SCNN1G: variants seen among roughly 807,000 people sequenced by gnomAD.
SCNN1G encodes the protein epithelial sodium channel subunit gamma.
A neutral mutation model predicts 64.6 loss-of-function variants in SCNN1G; 27 were observed. The ratio of observed to expected loss-of-function variants is 0.42; its 90% confidence interval spans 0.31 to 0.58. SCNN1G has a LOEUF of 0.58. SCNN1G is among the 20% of genes least tolerant of loss of function. The probability of loss-of-function intolerance (pLI) is 0.18; values close to 1 mark genes in which losing one functional copy is unlikely to be tolerated. For synonymous variants in SCNN1G, 330 were observed against 314.2 expected, an observed-to-expected ratio of 1.05 and a Z score of -0.53; for missense variants, 743 against 823.4, an observed-to-expected ratio of 0.90 and a Z score of 1.19.
At chr16:23,208,915 C>G (rs1960036112) in intron 6 of SCNN1G, among the ~76,000 whole-genome samples, 1 of 152,002 alleles carries the variant, frequency 6.6e-6, no homozygotes, top group Non-Finnish European at 1.5e-5. Context: ...GCTCATCTTT[C>G]TAATCCCTCC....
intron 8 of SCNN1G, 147 bp from the exon 9 acceptor site, chr16:23,212,531 A>G (rs530306877): frequency 5.4e-6 from 4 of 742,844 alleles, no homozygotes; most frequent in Admixed American, 2.0e-5. Flanking sequence ...CAACATCACA[A>G]TGCAATATGT....
At chr16:23,193,689 A>C (rs939495639) in intron 4 of SCNN1G, among the ~76,000 whole-genome samples, 4 of 152,104 alleles carry the variant, frequency 2.6e-5, no homozygotes, top group Non-Finnish European at 5.9e-5. Context: ...ATAAAACACT[A>C]AGCCTCTTTC....
In SCNN1G at chr16:23,215,547, T is replaced by G. The variant is rs1960148058; in HGVS notation, c.*78T>G. 4.5e-6 allele frequency: 7 copies of G among 1,545,528 alleles called. 1 individual carries two copies. Among genetic ancestry groups the G allele is most frequent in the Non-Finnish European group, 5.3e-6 (6 of 1,131,290 alleles). On this transcript the variant is annotated 3_prime_UTR_variant, in exon 13 of 13. Coordinates refer to ENST00000300061, the MANE Select transcript of SCNN1G (RefSeq NM_001039.4). ...CATGGATCGGGTGCCCCCAGACGTG[T>G]GCACAGGGGACCCTCTGCCCCACTC... is the stretch of plus-strand genomic sequence containing the variant.
chr16:23,201,721 A>G (rs1320517638), intron 6 of SCNN1G, among the ~76,000 whole-genome samples: 1 of 152,168 alleles, frequency 6.6e-6, no homozygotes, highest in Non-Finnish European at 1.5e-5. Flanking sequence ...ATTCACTGAG[A>G]GATTGTGTGT....
intron 6 of SCNN1G, among the ~76,000 whole-genome samples, chr16:23,199,811 A>G (rs1959858949): frequency 6.6e-6 from 1 of 151,150 alleles, no homozygotes; most frequent in Admixed American, 6.6e-5. Flanking sequence ...AGCTGGGACT[A>G]CAGTCACCCG....
chr16:23,184,748 GA>G (rs35147789), intron 1 of SCNN1G, among the ~76,000 whole-genome samples: 1 of 151,710 alleles, frequency 6.6e-6, no homozygotes, highest in Non-Finnish European at 1.5e-5. Context: ...TTCAGGGTGG[GA>G]AAAAAAGACA....
intron 5 of SCNN1G, chr16:23,194,755 A>G (rs1959769735): frequency 5.0e-6 from 1 of 199,540 alleles, no homozygotes; most frequent in Non-Finnish European, 1.0e-5. Flanking sequence ...CGGGACTAAT[A>G]ATAGTATCTC....
chr16:23,190,371 G>A (rs775068289), intron 3 of SCNN1G, among the ~76,000 whole-genome samples: 2 of 150,974 alleles, frequency 1.3e-5, no homozygotes, highest in East Asian at 4.0e-4. Flanking sequence ...TTTAAGTAGT[G>A]GGGGGCAGAG....
At position 23,186,248 on chromosome 16, in the gene SCNN1G, C is replaced by T; in HGVS notation, c.-24C>T. The T allele has an allele frequency of 6.2e-7, 1 of 1,613,292 alleles. No homozygotes were observed. Among genetic ancestry groups the T allele is most frequent in the South Asian group, 1.1e-5 (1 of 91,000 alleles). On this transcript the variant is annotated 5_prime_UTR_variant, in exon 2 of 13. Transcript: ENST00000300061. ...TCCAGCACGCCCGTCCTCAGAGTCC[C>T]GTCCTCAAAGTCCCATCCTCGCCAT...
intron 3 of SCNN1G, among the ~76,000 whole-genome samples, chr16:23,190,999 A>G (rs954761527): frequency 2.6e-5 from 4 of 151,796 alleles, no homozygotes; most frequent in African/African-American, 9.7e-5. Flanking sequence ...ATGCACCACC[A>G]TGCTTGGCTA....
At chr16:23,199,955 G>A (rs1178120826) in intron 6 of SCNN1G, among the ~76,000 whole-genome samples, 1 of 152,188 alleles carries the variant, frequency 6.6e-6, no homozygotes, top group Admixed American at 6.5e-5. Flanking sequence ...ACAGGCGTGA[G>A]CCACAGCGCC....
At chr16:23,195,402 G>A (rs1211806097) in intron 5 of SCNN1G, among the ~76,000 whole-genome samples, 8 of 152,154 alleles carry the variant, frequency 5.3e-5, no homozygotes, top group African/African-American at 1.9e-4. Flanking sequence ...TGAACAGATT[G>A]GCCTGGCTTA....
rs1050010210 is a variant in SCNN1G at position 23,215,636 on chromosome 16, C to T, written c.*167C>T. 2.3e-5 allele frequency: 17 copies of T among 732,462 alleles called. No homozygotes were observed. Among genetic ancestry groups the T allele is most frequent in the South Asian group, 9.9e-5 (6 of 60,558 alleles). The allele number at this position is 732,462 out of a possible 1,614,324, so 45.4% of individuals were successfully genotyped here. A position where few individuals can be genotyped will look rare whatever the true frequency, so the allele number is the denominator to read the frequency against. ...AACCGCAAGATGGGGCCTGGGCATG[C>T]GCAGGAGGAGCCATCGGGTACTACG... is the stretch of plus-strand genomic sequence containing the variant. On this transcript the variant is annotated 3_prime_UTR_variant, in exon 13 of 13. Transcript: ENST00000300061.
chr16:23,209,865 G>GT lies in SCNN1G; in HGVS notation c.1176+17_1176+18insT. 1 of 1,578,656 alleles carries GT rather than the reference G, an allele frequency of 6.3e-7. No homozygotes were observed. The highest frequency in any genetic ancestry group is 8.7e-7 in the Non-Finnish European group (1 of 1,147,524). Reference sequence around the variant, plus strand: ...TCGCTCCAGGTAACAGATTGGCAGGGGCACCCAGCCCTGGGTTTATGGCCC... The same window carrying GT: ...TCGCTCCAGGTAACAGATTGGCAGGGTGCACCCAGCCCTGGGTTTATGGCCC... On this transcript the variant is annotated intron_variant, in intron 7 of 12. Coordinates refer to ENST00000300061, the MANE Select transcript of SCNN1G (RefSeq NM_001039.4).
At position 23,215,567 on chromosome 16, in the gene SCNN1G, C is replaced by A; in HGVS notation, c.*98C>A. Reference sequence around the variant, plus strand: ...ACGTGTGCACAGGGGACCCTCTGCCCCACTCTGGGCTTTTCAGATACTCTG... The same window carrying A: ...ACGTGTGCACAGGGGACCCTCTGCCACACTCTGGGCTTTTCAGATACTCTG... On this transcript the variant is annotated 3_prime_UTR_variant, in exon 13 of 13. Coordinates refer to ENST00000300061, the MANE Select transcript of SCNN1G (RefSeq NM_001039.4). The A allele has an allele frequency of 6.9e-7, 1 of 1,439,048 alleles. No individual in the cohort carries two copies. Among genetic ancestry groups the A allele is most frequent in the Non-Finnish European group, 9.6e-7 (1 of 1,037,588 alleles). The allele number at this position is 1,439,048 out of a possible 1,614,324, so 89.1% of individuals were successfully genotyped here.
In SCNN1G at chr16:23,215,847, C is replaced by T; in HGVS notation, c.*378C>T. On this transcript the variant is annotated 3_prime_UTR_variant, in exon 13 of 13. Transcript: ENST00000300061. ...CAAAGCCCCAAAGCCGAGGGTTTCACCCACACTGCCAGCCTGGGTTGGGGC... is the reference window on the plus strand; with the variant it reads ...CAAAGCCCCAAAGCCGAGGGTTTCATCCACACTGCCAGCCTGGGTTGGGGC... 3 of 309,338 alleles carry T rather than the reference C, an allele frequency of 9.7e-6. No individual in the cohort carries two copies. The South Asian group carries it at 1.1e-4, about 11-fold the overall frequency. The allele number at this position is 309,338 out of a possible 1,614,324, so 19.2% of individuals were successfully genotyped here. A position where few individuals can be genotyped will look rare whatever the true frequency, so the allele number is the denominator to read the frequency against.
At chr16:23,201,266 C>T (rs371289424) in intron 6 of SCNN1G, among the ~76,000 whole-genome samples, 63 of 152,264 alleles carry the variant, frequency 4.1e-4, no homozygotes, top group African/African-American at 9.4e-4. Context: ...CTTATCCTTT[C>T]GCCCTCTTCC....
At chr16:23,197,090 A>G (rs932742838) in intron 5 of SCNN1G, among the ~76,000 whole-genome samples, 174 bp from the exon 6 acceptor site, 3 of 152,212 alleles carry the variant, frequency 2.0e-5, no homozygotes, top group African/African-American at 7.2e-5. Context: ...GCAGAGAGCA[A>G]GTCAGGCATG....
intron 3 of SCNN1G, among the ~76,000 whole-genome samples, chr16:23,190,830 GAT>G (rs1959695656): frequency 5.2e-5 from 6 of 114,640 alleles, no homozygotes; most frequent in East Asian, 2.7e-4. Context: ...CATTTGAGGG[GAT>G]TTTTTTTTTT....
Sources: allele counts gnomAD v4.1 joint callset (sites outside exome capture counted in the v4.1 genomes callset), GRCh38; gene constraint gnomAD v4.1.1; transcripts MANE v1.5; gene names NCBI Gene and HGNC (gene_info 2026-07-23, HGNC 2026-07-21).